The following KLHL29 variants were observed in gnomAD, a reference collection of about 807,000 sequenced individuals.
The protein encoded by KLHL29 is kelch-like protein 29.
A neutral mutation model predicts 80.4 loss-of-function variants in KLHL29; 21 were observed. The ratio of observed to expected loss-of-function variants is 0.26; its 90% CI spans 0.19 to 0.38. KLHL29 has a LOEUF of 0.38. Among genes scored for constraint, KLHL29 ranks in the 10% least tolerant of loss-of-function variants. KLHL29 has a pLI of 1.00. For missense variants in KLHL29, 867 were observed against 1,223.9 expected (o/e 0.71, Z 4.35); for synonymous variants, 511 against 526.8 (o/e 0.97, Z 0.41).
intron 1 of KLHL29, among the ~76,000 whole-genome samples, chr2:23,431,217 CT>C (rs1165315882): frequency 6.6e-6 from 1 of 152,204 alleles, no homozygotes; most frequent in Admixed American, 6.5e-5. Context: ...TCTCCCGAGG[CT>C]GGAGCTGAGT....
intron 1 of KLHL29, among the ~76,000 whole-genome samples, chr2:23,433,530 C>G (rs1020548358): frequency 1.8e-5 from 2 of 109,020 alleles, no homozygotes; most frequent in African/African-American, 1.0e-4. Flanking sequence ...AAGTACATCC[C>G]CACAGCAGCT....
At chr2:23,402,426 C>T (rs1407858766) in intron 1 of KLHL29, among the ~76,000 whole-genome samples, 1 of 152,242 alleles carries the variant, frequency 6.6e-6, no homozygotes, top group Non-Finnish European at 1.5e-5. Flanking sequence ...CTTTCCAGGA[C>T]ACTAACCTAG....
intron 5 of KLHL29, among the ~76,000 whole-genome samples, chr2:23,664,399 C>T (rs1013134407): frequency 1.3e-5 from 2 of 152,130 alleles, no homozygotes; most frequent in African/African-American, 4.8e-5. Context: ...TGGGCTCTGG[C>T]TGGGGCTTTG....
intron 11 of KLHL29, among the ~76,000 whole-genome samples, chr2:23,699,147 A>C (rs1572527315): frequency 6.6e-6 from 1 of 152,218 alleles, no homozygotes; most frequent in Non-Finnish European, 1.5e-5. Context: ...TGGACGTCAC[A>C]TCACCCTCGC....
At chr2:23,508,911 T>G (rs1384457569) in intron 2 of KLHL29, among the ~76,000 whole-genome samples, 3 of 152,186 alleles carry the variant, frequency 2.0e-5, no homozygotes, top group Non-Finnish European at 1.5e-5. Flanking sequence ...GTGGTTTCAA[T>G]CCTGGCTCTG....
intron 2 of KLHL29, among the ~76,000 whole-genome samples, chr2:23,551,435 C>G (rs1244751278): frequency 6.6e-6 from 1 of 152,128 alleles, no homozygotes; most frequent in African/African-American, 2.4e-5. Flanking sequence ...GAGGCTTGTT[C>G]TTTTAATATT....
intron 2 of KLHL29, among the ~76,000 whole-genome samples, chr2:23,479,393 C>T (rs1020625086): frequency 5.9e-5 from 9 of 152,140 alleles, no homozygotes; most frequent in African/African-American, 1.7e-4. Flanking sequence ...CCCCAGCCTG[C>T]GCTGTCCACC....
chr2:23,588,297 C>T lies in KLHL29; in HGVS notation c.285+25816C>T, dbSNP rs1029092525. Among the ~76,000 whole-genome samples the T allele has an allele frequency of 2.6e-5, 4 of 152,180 alleles. No individual in the cohort carries two copies. The East Asian group carries it at 7.7e-4, about 29-fold the overall frequency. On this transcript the variant is annotated intron_variant, in intron 3 of 13. Coordinates refer to ENST00000486442, the MANE Select transcript of KLHL29 (RefSeq NM_052920.2). ...TCCCTTGGCCCAGTGGGAAGGTGCA[C>T]CTGCCCACTTGGGAGCAGGCCTCAG...
chr2:23,543,852 A>G (rs898831117), intron 2 of KLHL29, among the ~76,000 whole-genome samples: 4 of 152,146 alleles, frequency 2.6e-5, no homozygotes, highest in African/African-American at 9.7e-5. Context: ...ATGCTGGTGC[A>G]TTATGAATAG....
intron 5 of KLHL29, among the ~76,000 whole-genome samples, chr2:23,663,294 A>T (rs1670466096): frequency 6.6e-6 from 1 of 152,182 alleles, no homozygotes; most frequent in Admixed American, 6.5e-5. Context: ...TGGGGTTTCC[A>T]GGTAGGGGTC....
chr2:23,644,363 A>C (rs990045902), intron 5 of KLHL29: 1 of 152,136 alleles, frequency 6.6e-6, no homozygotes, highest in Non-Finnish European at 1.5e-5. Context: ...TCCTACTTCC[A>C]AGGCTATGCC....
intron 3 of KLHL29, among the ~76,000 whole-genome samples, chr2:23,634,049 C>T (rs756773412): frequency 6.6e-6 from 1 of 152,182 alleles, no homozygotes; most frequent in African/African-American, 2.4e-5. Context: ...GTGACCCCCA[C>T]GGCTCCCTGG....
At chr2:23,491,291 C>G (rs924329078) in intron 2 of KLHL29, among the ~76,000 whole-genome samples, 1 of 152,140 alleles carries the variant, frequency 6.6e-6, no homozygotes, top group Non-Finnish European at 1.5e-5. Context: ...ATGACACAGC[C>G]TCTGAGCTCT....
At chr2:23,613,550 G>A (rs559715768) in intron 3 of KLHL29, among the ~76,000 whole-genome samples, 1 of 152,164 alleles carries the variant, frequency 6.6e-6, no homozygotes, top group South Asian at 2.1e-4. Flanking sequence ...CGGATCACAA[G>A]GTCAGGAATT....
chr2:23,480,136 G>A lies in KLHL29; in HGVS notation c.-46+4469G>A, dbSNP rs533882341. Among the ~76,000 whole-genome samples the A allele has an allele frequency of 1.6e-4, 24 of 152,318 alleles. No individual in the cohort carries two copies. In the South Asian group the frequency reaches 4.6e-3, roughly 29 times the overall value. ...CTTGAAAGGTGACAAGGGAGGAACG[G>A]TGCCACCAGGGCCAGCAGTTCTTAG... On this transcript the variant is annotated intron_variant, in intron 2 of 13. Coordinates refer to ENST00000486442, the MANE Select transcript of KLHL29 (RefSeq NM_052920.2).
intron 2 of KLHL29, among the ~76,000 whole-genome samples, chr2:23,510,087 G>A (rs975487467): frequency 3.3e-5 from 5 of 152,142 alleles, no homozygotes; most frequent in African/African-American, 1.2e-4. Context: ...GGATCAAGGA[G>A]AGGAGGAAAT....
At chr2:23,601,437 T>C (rs536374647) in intron 3 of KLHL29, among the ~76,000 whole-genome samples, 6 of 151,702 alleles carry the variant, frequency 4.0e-5, no homozygotes. Context: ...CATAAGGGAG[T>C]AAAATTCTGC....
At chr2:23,422,577 G>C (rs1282786727) in intron 1 of KLHL29, among the ~76,000 whole-genome samples, 1 of 150,840 alleles carries the variant, frequency 6.6e-6, no homozygotes, top group Non-Finnish European at 1.5e-5. Context: ...ATGTGTCCCT[G>C]TCTGTGTGTC....
intron 1 of KLHL29, among the ~76,000 whole-genome samples, chr2:23,407,747 A>G (rs1437296675): frequency 6.6e-6 from 1 of 152,142 alleles, no homozygotes; most frequent in Non-Finnish European, 1.5e-5. Context: ...TTGCAAATTC[A>G]ACTTTTTATC....
Sources: allele counts gnomAD v4.1 joint callset (sites outside exome capture counted in the v4.1 genomes callset), GRCh38; gene constraint gnomAD v4.1.1; transcripts MANE v1.5; gene names NCBI Gene and HGNC (gene_info 2026-07-23, HGNC 2026-07-21).